The following HAO2 variants were observed in gnomAD, a reference collection of about 807,000 sequenced individuals.
HAO2 encodes the protein hydroxyacid oxidase 2, also known as 2-Hydroxyacid oxidase 2.
A neutral mutation model predicts 37.4 loss-of-function variants in HAO2; 42 were observed. That is an observed-to-expected ratio of 1.12 (90% CI 0.88 to 1.45). The LOEUF is 1.45. HAO2 is among the 40% of genes most tolerant of loss of function. HAO2 has a pLI of 0.00. For synonymous variants in HAO2, 180 were observed against 162.8 expected (o/e 1.11, Z -0.81); for missense variants, 476 against 430.2 (o/e 1.11, Z -0.94).
intron 1 of HAO2, among the ~76,000 whole-genome samples, chr1:119,373,558 C>G (rs1408540631): frequency 1.3e-5 from 2 of 152,056 alleles, no homozygotes; most frequent in African/African-American, 4.8e-5. Context: ...GGAGGCAGGA[C>G]AATGGTAGGT....
chr1:119,373,771 C>T (rs1006002052), intron 1 of HAO2, among the ~76,000 whole-genome samples: 3 of 152,002 alleles, frequency 2.0e-5, no homozygotes, highest in African/African-American at 4.8e-5. Context: ...GTAGAACATG[C>T]TTACAGGTTG....
At chr1:119,391,933 G>A (rs1402376375) in intron 5 of HAO2, among the ~76,000 whole-genome samples, 177 bp from the exon 6 acceptor site, 1 of 152,136 alleles carries the variant, frequency 6.6e-6, no homozygotes, top group African/African-American at 2.4e-5. Context: ...CAAGGCAGGA[G>A]GGCCTCAGGA....
intron 1 of HAO2, among the ~76,000 whole-genome samples, chr1:119,378,569 G>A (rs753803375): frequency 4.6e-5 from 7 of 152,162 alleles, no homozygotes; most frequent in Non-Finnish European, 7.3e-5. Context: ...AATTAGAAGA[G>A]GTATCGAAAT....
intron 1 of HAO2, among the ~76,000 whole-genome samples, chr1:119,379,434 A>G (rs1011367247): frequency 1.3e-5 from 2 of 152,238 alleles, no homozygotes; most frequent in Non-Finnish European, 2.9e-5. Context: ...CTGGAAGAAT[A>G]AAATTCCCAG....
intron 1 of HAO2, among the ~76,000 whole-genome samples, chr1:119,372,275 A>G (rs1649096619): frequency 6.6e-6 from 1 of 152,252 alleles, no homozygotes; most frequent in Admixed American, 6.5e-5. Context: ...GATGAAGAAA[A>G]GTAGGCTTAA....
At chr1:119,375,732 A>T (rs930762415) in intron 1 of HAO2, among the ~76,000 whole-genome samples, 3 of 152,218 alleles carry the variant, frequency 2.0e-5, no homozygotes, top group Non-Finnish European at 4.4e-5. Flanking sequence ...CAATTATGGC[A>T]GAAGGCAAAG....
chr1:119,382,584 C>T (rs940423738), intron 2 of HAO2, among the ~76,000 whole-genome samples: 3 of 152,184 alleles, frequency 2.0e-5, no homozygotes, highest in Non-Finnish European at 4.4e-5. Context: ...ACCAAACCAT[C>T]CAAGTGCTGC....
intron 4 of HAO2, 198 bp downstream of exon 4, chr1:119,385,251 A>G: frequency 1.0e-6 from 1 of 985,000 alleles, no homozygotes; most frequent in East Asian, 1.1e-4. Context: ...CAATCAACAT[A>G]AGACCAAATG....
rs1388926885 is a variant in HAO2 at position 119,384,937 on chromosome 1, G to T, written c.445G>T (p.Gly149Cys). 3 of 1,613,840 alleles carry T rather than the reference G, an allele frequency of 1.9e-6. No individual in the cohort carries two copies. Among genetic ancestry groups the T allele is most frequent in the African/African-American group, 2.7e-5 (2 of 74,908 alleles). Residue 149 changes from glycine to cysteine, a missense_variant, in exon 4 of 8, where the codon GGT becomes TGT. Transcript: ENST00000325945. Reference sequence around the variant, plus strand: ...GTTGATCCAGAGGGTAGAATCCCTAGGTTTCAAAGCTTTGGTAATAACTTT... The same window carrying T: ...GTTGATCCAGAGGGTAGAATCCCTATGTTTCAAAGCTTTGGTAATAACTTT... ...KQLIQRVESL[G>C]FKALVITLDT...
chr1:119,393,449 G>T (rs1480992883), intron 7 of HAO2, among the ~76,000 whole-genome samples: 1 of 152,096 alleles, frequency 6.6e-6, no homozygotes, highest in Non-Finnish European at 1.5e-5. Context: ...CTCCCGAAAA[G>T]ATACTTCCTA....
intron 1 of HAO2, among the ~76,000 whole-genome samples, chr1:119,371,017 G>T (rs587746625): frequency 6.6e-6 from 1 of 152,218 alleles, no homozygotes; most frequent in Non-Finnish European, 1.5e-5. Flanking sequence ...TTGTTGAGCA[G>T]ATGAAGAGGC....
At position 119,386,713 on chromosome 1, in the gene HAO2, C is replaced by T. The variant is rs1009749302; in HGVS notation, c.653C>T (p.Pro218Leu). The change falls in exon 5 of 8, where the codon CCC becomes CTC. Residue 218 changes from proline to leucine, a missense_variant. Pro to Leu is a moderately conservative substitution (Grantham distance 98). Coordinates refer to ENST00000325945, the MANE Select transcript of HAO2 (RefSeq NM_016527.4). ...TGGTTTCAGAGCATAACTCGATTGC[C>T]CATCATCCTGAAAGGGATTTTGACA... ...LSWFQSITRL[P>L]IILKGILTKE... The T allele has an allele frequency of 6.2e-7, 1 of 1,612,706 alleles. No individual in the cohort carries two copies. The highest frequency in any genetic ancestry group is 1.1e-5 in the South Asian group (1 of 91,044).
intron 1 of HAO2, among the ~76,000 whole-genome samples, chr1:119,379,514 G>GA (rs11398278): frequency 0.039 from 5,995 of 152,214 alleles, 366 homozygotes; most frequent in African/African-American, 0.13. Context: ...GATATAATTG[G>GA]TACTTGCAAT....
chr1:119,379,802 T>C (rs1196021187), intron 1 of HAO2, among the ~76,000 whole-genome samples: 1 of 152,076 alleles, frequency 6.6e-6, no homozygotes, highest in Non-Finnish European at 1.5e-5. Context: ...GTGCTAAGGC[T>C]ACTTCTCTGT....
At chr1:119,385,201 G>A in intron 4 of HAO2, 148 bp downstream of exon 4, 2 of 1,428,610 alleles carry the variant, frequency 1.4e-6, no homozygotes, top group South Asian at 1.5e-5. Flanking sequence ...GTTTCAAAAA[G>A]CAGATATGGT....
At chr1:119,389,507 G>C (rs2182243) in intron 5 of HAO2, among the ~76,000 whole-genome samples, 62,779 of 151,556 alleles carry the variant, frequency 0.41, 15,270 homozygotes, top group Non-Finnish European at 0.53. Flanking sequence ...GTATTGCATT[G>C]TAATTTTGAT....
intron 3 of HAO2, among the ~76,000 whole-genome samples, chr1:119,383,389 G>A (rs957067582): frequency 2.0e-5 from 3 of 152,142 alleles, no homozygotes; most frequent in Admixed American, 6.6e-5. Flanking sequence ...GATGCTTAAC[G>A]CAGCCCCAAG....
chr1:119,394,114 A>T lies in HAO2; in HGVS notation c.*274A>T, dbSNP rs1250888857. The T allele has an allele frequency of 2.9e-5, 32 of 1,098,512 alleles. No homozygotes were observed. Among genetic ancestry groups the T allele is most frequent in the Non-Finnish European group, 3.2e-5 (27 of 849,720 alleles). 68.0% of individuals were successfully genotyped at this position (1,098,512 alleles called of 1,614,324 possible). On this transcript the variant is annotated 3_prime_UTR_variant, in exon 8 of 8. Transcript: ENST00000325945. ...GAAGTAAAAGATCTCAAAAGGACAG[A>T]TCATTAATGACTGGAACCACTAGTG...
chr1:119,380,963 A>C, intron 1 of HAO2, 115 bp from the exon 2 acceptor site: 7 of 886,742 alleles, frequency 7.9e-6, no homozygotes, highest in Non-Finnish European at 1.3e-5. Flanking sequence ...ATAAGAATAC[A>C]GGGAGACCAA....
Sources: allele counts gnomAD v4.1 joint callset (sites outside exome capture counted in the v4.1 genomes callset), GRCh38; gene constraint gnomAD v4.1.1; transcripts MANE v1.5; gene names NCBI Gene and HGNC (gene_info 2026-07-23, HGNC 2026-07-21).